The following CDH11 variants were observed in gnomAD, a reference collection of about 807,000 sequenced individuals.
The protein encoded by CDH11 is cadherin 11.
CDH11 carries 11 observed loss-of-function variants against 67.8 expected under a neutral mutation model. The ratio of observed to expected loss-of-function variants is 0.16; its 90% CI spans 0.10 to 0.27. The LOEUF is 0.27. CDH11 is among the 10% of genes least tolerant of loss of function. The pLI is 1.00. For missense variants in CDH11, 847 were observed against 1,031.2 expected, an observed-to-expected ratio of 0.82 and a Z score of 2.45; for synonymous variants, 419 against 400.0, an observed-to-expected ratio of 1.05 and a Z score of -0.57.
At chr16:65,089,006 A>G (rs1355506793) in intron 1 of CDH11, among the ~76,000 whole-genome samples, 1 of 152,100 alleles carries the variant, frequency 6.6e-6, no homozygotes, top group Non-Finnish European at 1.5e-5. Flanking sequence ...TGCATTTGGG[A>G]ATTTTGTTTT....
At chr16:64,973,172 A>G in intron 8 of CDH11, 132 bp from the exon 9 acceptor site, 1 of 938,302 alleles carries the variant, frequency 1.1e-6, no homozygotes, top group Non-Finnish European at 1.6e-6. Context: ...TTCTAATCAA[A>G]TTTACTTTTG....
intron 2 of CDH11, among the ~76,000 whole-genome samples, chr16:65,010,577 T>C (rs1404060609): frequency 6.6e-6 from 1 of 152,114 alleles, no homozygotes. Flanking sequence ...AAAAAGGTTA[T>C]GGTATATGCT....
chr16:65,106,127 G>A (rs1337526443), intron 1 of CDH11, among the ~76,000 whole-genome samples: 1 of 152,154 alleles, frequency 6.6e-6, no homozygotes, highest in East Asian at 1.9e-4. Flanking sequence ...GGTCAAGTCA[G>A]TGTGACCGAA....
At chr16:65,056,919 A>C (rs543753558) in intron 1 of CDH11, among the ~76,000 whole-genome samples, 1 of 152,322 alleles carries the variant, frequency 6.6e-6, no homozygotes, top group African/African-American at 2.4e-5. Context: ...GTCAATCAAA[A>C]AAGCTTTGGA....
At chr16:65,005,753 C>A (rs1216102194) in intron 2 of CDH11, among the ~76,000 whole-genome samples, 3 of 152,138 alleles carry the variant, frequency 2.0e-5, no homozygotes, top group African/African-American at 4.8e-5. Flanking sequence ...ATCCACGAAG[C>A]CAAAGATCCT....
intron 11 of CDH11, among the ~76,000 whole-genome samples, chr16:64,966,996 C>T (rs2071850990): frequency 6.6e-6 from 1 of 152,110 alleles, no homozygotes; most frequent in Non-Finnish European, 1.5e-5. Context: ...ATTAAAAACA[C>T]CTGGCTTTAA....
chr16:65,078,100 TC>T (rs1328039548), intron 1 of CDH11, among the ~76,000 whole-genome samples: 2 of 152,248 alleles, frequency 1.3e-5, no homozygotes, highest in Admixed American at 1.3e-4. Context: ...AAGCAAATAA[TC>T]GCATCCTCTG....
chr16:64,958,672 G>A (rs1310986645), intron 11 of CDH11, among the ~76,000 whole-genome samples: 1 of 152,010 alleles, frequency 6.6e-6, no homozygotes, highest in East Asian at 1.9e-4. Flanking sequence ...AACTGACCCT[G>A]GAACACTGAC....
chr16:65,057,500 A>T (rs768542642), intron 1 of CDH11, among the ~76,000 whole-genome samples: 63 of 152,182 alleles, frequency 4.1e-4, no homozygotes, highest in Non-Finnish European at 7.3e-4. Flanking sequence ...GTGAAGCCAG[A>T]GTGTATAAAG....
intron 4 of CDH11, among the ~76,000 whole-genome samples, chr16:64,996,444 C>T (rs992319744): frequency 4.7e-5 from 7 of 148,362 alleles, no homozygotes; most frequent in Non-Finnish European, 8.9e-5. Context: ...GAGCCGAGAT[C>T]GTGCCACTGC....
At chr16:65,023,420 G>A (rs12708869) in intron 2 of CDH11, among the ~76,000 whole-genome samples, 54,162 of 151,982 alleles carry the variant, frequency 0.36, 9,965 homozygotes, top group South Asian at 0.5. Context: ...ATGTCACAGG[G>A]TGAATCCCAA....
intron 1 of CDH11, among the ~76,000 whole-genome samples, chr16:65,114,824 G>A (rs529642921): frequency 1.1e-4 from 17 of 152,230 alleles, no homozygotes; most frequent in South Asian, 1.0e-3. Context: ...TGAGGACTCC[G>A]TTATTTTTAG....
intron 1 of CDH11, among the ~76,000 whole-genome samples, chr16:65,114,387 G>T (rs1395327311): frequency 1.3e-5 from 2 of 152,114 alleles, no homozygotes; most frequent in African/African-American, 4.8e-5. Context: ...GGAAAACTGA[G>T]GATTTAGAGT....
At chr16:65,058,887 C>T (rs2074192072) in intron 1 of CDH11, among the ~76,000 whole-genome samples, 1 of 152,142 alleles carries the variant, frequency 6.6e-6, no homozygotes, top group Non-Finnish European at 1.5e-5. Context: ...CACTTATACA[C>T]TCAAAAATCA....
rs547313548 is a variant in CDH11, at chr16:65,004,791, G to A, written c.79C>T (p.Arg27Trp). Residue 27 changes from arginine to tryptophan, a missense_variant, in exon 3 of 13, where the codon CGG (arginine) becomes TGG (tryptophan). Arg to Trp is a moderately radical substitution (Grantham distance 101). Coordinates refer to ENST00000268603, the MANE Select transcript of CDH11 (RefSeq NM_001797.4). Reference sequence around the variant, plus strand: ...AAGGAGGGCCGCAGGTGCCCCCGCCGCTCTGGGGCAAAGGCATGGCTGTGG... The same window carrying A: ...AAGGAGGGCCGCAGGTGCCCCCGCCACTCTGGGGCAAAGGCATGGCTGTGG... ...LCHSHAFAPERRGHLRPSFHG... is the reference protein window; with the variant it reads ...LCHSHAFAPEWRGHLRPSFHG... 9.6e-5 allele frequency: 153 copies of A among 1,599,364 alleles called. No individual in the cohort carries two copies. The highest frequency in any genetic ancestry group is 2.3e-4 in the East Asian group (10 of 43,792).
chr16:65,102,386 T>C (rs1354945593), intron 1 of CDH11, among the ~76,000 whole-genome samples: 1 of 152,174 alleles, frequency 6.6e-6, no homozygotes, highest in Non-Finnish European at 1.5e-5. Flanking sequence ...CATCACCATA[T>C]ACCCACTCTC....
At chr16:65,058,584 T>G (rs76921899) in intron 1 of CDH11, among the ~76,000 whole-genome samples, 1 of 152,334 alleles carries the variant, frequency 6.6e-6, no homozygotes, top group African/African-American at 2.4e-5. Flanking sequence ...GTTAATAATC[T>G]CCATTGGGTG....
chr16:64,978,587 A>G (rs958694722), intron 8 of CDH11, among the ~76,000 whole-genome samples: 1 of 152,238 alleles, frequency 6.6e-6, no homozygotes, highest in Non-Finnish European at 1.5e-5. Context: ...GGATAGACAT[A>G]TAATTAATGC....
intron 2 of CDH11, among the ~76,000 whole-genome samples, chr16:65,048,766 C>A: frequency 6.6e-6 from 1 of 151,788 alleles, no homozygotes; most frequent in African/African-American, 2.4e-5. Context: ...TCTCTATACA[C>A]ACATATGTAT....
Sources: allele counts gnomAD v4.1 joint callset (sites outside exome capture counted in the v4.1 genomes callset), GRCh38; gene constraint gnomAD v4.1.1; transcripts MANE v1.5; gene names NCBI Gene and HGNC (gene_info 2026-07-23, HGNC 2026-07-21).